Variants in POLN observed in about 807,000 individuals in gnomAD.
The protein encoded by POLN is DNA polymerase nu.
Under a neutral mutation model 113.5 loss-of-function variants are expected in POLN, and 108 were observed. The ratio of observed to expected loss-of-function variants is 0.95; its 90% CI spans 0.81 to 1.12. POLN has a LOEUF of 1.12. POLN is among the 50% of genes most tolerant of loss of function. POLN has a pLI of 0.00. For synonymous variants in POLN, 386 were observed against 391.5 expected, an observed-to-expected ratio of 0.99 and a Z score of 0.17; for missense variants, 1,097 against 1,077.1, an observed-to-expected ratio of 1.02 and a Z score of -0.26.
At position 2,100,466 on chromosome 4, in the gene POLN, G is replaced by C. The variant is rs150159278; in HGVS notation, c.1983-4533C>G. Among the ~76,000 whole-genome samples the C allele has an allele frequency of 2.3e-4, 35 of 152,270 alleles. 1 individual carries two copies. Among genetic ancestry groups the C allele is most frequent in the African/African-American group, 7.9e-4 (33 of 41,548 alleles). On this transcript the variant is annotated intron_variant, in intron 19 of 25. Transcript: ENST00000511885. ...ATGCACCAGACTTTCATTAAGGAAG[G>C]GGGCATTAAAAGACACAGTGGAAGA...
intron 16 of POLN, among the ~76,000 whole-genome samples, chr4:2,150,028 G>A (rs868665827): frequency 2.0e-5 from 3 of 148,534 alleles, no homozygotes; most frequent in Admixed American, 6.7e-5. Context: ...GGTTACAGTG[G>A]GCCAAGATCA....
At chr4:2,167,814 G>A (rs1024683916) in intron 13 of POLN, among the ~76,000 whole-genome samples, 8 of 152,170 alleles carry the variant, frequency 5.3e-5, no homozygotes, top group East Asian at 1.9e-4. Flanking sequence ...CAGGAGAATC[G>A]CTTGAACCTG....
At chr4:2,233,385 C>T (rs1472883163) in intron 2 of POLN, among the ~76,000 whole-genome samples, 1 of 152,050 alleles carries the variant, frequency 6.6e-6, no homozygotes, top group Non-Finnish European at 1.5e-5. Flanking sequence ...ACTAATGATA[C>T]CCACTGATAA....
chr4:2,209,343 G>C (rs1288172965), intron 4 of POLN, among the ~76,000 whole-genome samples: 1 of 151,826 alleles, frequency 6.6e-6, no homozygotes, highest in East Asian at 2.0e-4. Context: ...AGTTGGGCAT[G>C]GTGGAGCATG....
chr4:2,081,119 C>T, intron 22 of POLN, 83 bp from the exon 23 acceptor site: 3 of 1,606,882 alleles, frequency 1.9e-6, no homozygotes, highest in Non-Finnish European at 1.7e-6. Context: ...CGCCACAGCT[C>T]TCACGGTACC....
At position 2,208,157 on chromosome 4, in the gene POLN, C is replaced by A; in HGVS notation, c.544G>T (p.Glu182Ter). 6.2e-7 allele frequency: 1 copy of A among 1,614,114 alleles called. No individual in the cohort carries two copies. The highest frequency in any genetic ancestry group is 8.5e-7 in the Non-Finnish European group (1 of 1,179,996). ...GAGTTCCCAGAATTTAGGTAGCCTTCGGCGTCATCAGTATCTTCTTCCAAT... is the reference window on the plus strand; with the variant it reads ...GAGTTCCCAGAATTTAGGTAGCCTTAGGCGTCATCAGTATCTTCTTCCAAT... Reference protein sequence around the residue: ...MALEEDTDDAEGYLNSGNSGA... With the variant: ...MALEEDTDDA Residue 182 changes from glutamate (E) to a stop codon, truncating the protein, a stop_gained, in exon 5 of 26, where the codon GAA becomes TAA. Coordinates refer to ENST00000511885, the MANE Select transcript of POLN (RefSeq NM_181808.4). LOFTEE classifies it high-confidence loss of function.
chr4:2,082,738 ATCT>A (rs1730451843), intron 21 of POLN: 1 of 152,246 alleles, frequency 6.6e-6, no homozygotes, highest in South Asian at 2.1e-4. Context: ...GACACGAGAG[ATCT>A]TCTGCTCTGA....
intron 7 of POLN, among the ~76,000 whole-genome samples, chr4:2,190,961 G>A (rs769246236): frequency 2.0e-5 from 3 of 152,128 alleles, no homozygotes; most frequent in Non-Finnish European, 4.4e-5. Context: ...AAAACAGTAC[G>A]TAGGTTCCTC....
At chr4:2,218,104 C>G (rs1485859035) in intron 3 of POLN, among the ~76,000 whole-genome samples, 2 of 151,826 alleles carry the variant, frequency 1.3e-5, no homozygotes, top group African/African-American at 4.8e-5. Context: ...CTGAGCAACA[C>G]AGTAAGACCC....
intron 13 of POLN, among the ~76,000 whole-genome samples, chr4:2,166,641 A>G (rs1213284799): frequency 1.3e-5 from 2 of 152,162 alleles, no homozygotes; most frequent in African/African-American, 4.8e-5. Context: ...TTAGAATGAA[A>G]AACAGAGGAA....
chr4:2,081,027 G>A lies in POLN; in HGVS notation c.2318C>T (p.Ala773Val), dbSNP rs371919592. 1.2e-6 allele frequency: 2 copies of A among 1,613,652 alleles called. No homozygotes were observed. The highest frequency in any genetic ancestry group is 1.3e-5 in the African/African-American group (1 of 74,920). Residue 773 changes from alanine to valine, a missense_variant, in exon 23 of 26, where the codon GCT (alanine) becomes GTT (valine). Physicochemically the swap from Ala to Val is moderately conservative, Grantham distance 64. Coordinates refer to ENST00000511885, the MANE Select transcript of POLN (RefSeq NM_181808.4). ...GATCATGGCCAGCTTGCAGAGGTCA[G>A]CAGCGGAGCCTATGGGGCGCGTGGT... ...AVNFVVQGSA[A>V]DLCKLAMIHV...
At chr4:2,180,855 G>A (rs1464123404) in intron 7 of POLN, among the ~76,000 whole-genome samples, 1 of 152,008 alleles carries the variant, frequency 6.6e-6, no homozygotes. Context: ...GCCAGTAGCT[G>A]AAAAAGAAAT....
chr4:2,103,664 G>A (rs773354220), intron 19 of POLN, among the ~76,000 whole-genome samples: 3 of 152,240 alleles, frequency 2.0e-5, no homozygotes, highest in East Asian at 1.9e-4. Flanking sequence ...TAATCAGACC[G>A]TCTAAAGTGA....
Position 2,170,565 on chromosome 4 carries a change from G to A in POLN, c.1554+114C>T, listed in dbSNP as rs569278021. ...GGGGAGCCCCTCTTCTGCAGAAACT[G>A]CTGCCAGCATGAGGGGACGGCCTGA... On this transcript the variant is annotated intron_variant, in intron 13 of 25. Coordinates refer to ENST00000511885, the MANE Select transcript of POLN (RefSeq NM_181808.4). 60 of 858,242 alleles carry A rather than the reference G, an allele frequency of 7.0e-5. No individual in the cohort carries two copies. In the South Asian group the frequency reaches 1.0e-3, roughly 15 times the overall value. The allele number at this position is 858,242 out of a possible 1,614,324, so 53.2% of individuals were successfully genotyped here.
chr4:2,235,640 A>G (rs1734733529), intron 2 of POLN, among the ~76,000 whole-genome samples: 1 of 152,256 alleles, frequency 6.6e-6, no homozygotes, highest in Admixed American at 6.5e-5. Context: ...CAAGCAAGTC[A>G]TTGAAGGATA....
chr4:2,153,595 T>TC (rs1475189040), intron 16 of POLN, among the ~76,000 whole-genome samples: 1 of 152,004 alleles, frequency 6.6e-6, no homozygotes, highest in East Asian at 1.9e-4. Flanking sequence ...ATAATTTTTT[T>TC]TTTTTTGAGA....
chr4:2,148,417 C>T (rs1246468771), intron 16 of POLN, among the ~76,000 whole-genome samples: 3 of 152,020 alleles, frequency 2.0e-5, no homozygotes, highest in African/African-American at 7.2e-5. Flanking sequence ...GCCTGTAATC[C>T]CAGCACTTTG....
At chr4:2,098,633 A>C (rs1730852337) in intron 19 of POLN, among the ~76,000 whole-genome samples, 1 of 152,200 alleles carries the variant, frequency 6.6e-6, no homozygotes. Context: ...GCACATGGTT[A>C]CATAGAGAAA....
intron 19 of POLN, among the ~76,000 whole-genome samples, chr4:2,113,636 T>A (rs574203828): frequency 8.5e-4 from 129 of 151,136 alleles, no homozygotes; most frequent in African/African-American, 2.9e-3. Context: ...GGCAGGTAGA[T>A]CACCTGAGGT....
Sources: allele counts gnomAD v4.1 joint callset (sites outside exome capture counted in the v4.1 genomes callset), GRCh38; gene constraint gnomAD v4.1.1; transcripts MANE v1.5; gene names NCBI Gene and HGNC (gene_info 2026-07-23, HGNC 2026-07-21).